SLC17A1: variants seen among roughly 807,000 people sequenced by gnomAD.
The protein encoded by SLC17A1 is solute carrier family 17 member 1.
In SLC17A1, 51 loss-of-function variants were observed where a neutral mutation model predicts 53.5. The ratio of observed to expected loss-of-function variants is 0.95; its 90% CI spans 0.76 to 1.20. The LOEUF (loss-of-function observed/expected upper bound fraction) is 1.20. SLC17A1 is among the 50% of genes most tolerant of loss of function. The pLI, the probability that SLC17A1 is intolerant of heterozygous loss-of-function variation, is 0.00. For synonymous variants in SLC17A1, 179 were observed against 198.8 expected, an observed-to-expected ratio of 0.90 and a Z score of 0.84; for missense variants, 538 against 568.2, an observed-to-expected ratio of 0.95 and a Z score of 0.54.
intron 8 of SLC17A1, 67 bp downstream of exon 8, chr6:25,812,764 T>C: frequency 2.4e-6 from 3 of 1,254,168 alleles, no homozygotes; most frequent in Non-Finnish European, 3.3e-6. Context: ...ACTAGGGTCG[T>C]TAGAGACAGA....
At chr6:25,792,402 C>A (rs191673742) in intron 12 of SLC17A1, among the ~76,000 whole-genome samples, 1 of 152,132 alleles carries the variant, frequency 6.6e-6, no homozygotes, top group Non-Finnish European at 1.5e-5. Flanking sequence ...CCAAGGCAGG[C>A]GAATCACTTG....
intron 12 of SLC17A1, among the ~76,000 whole-genome samples, chr6:25,792,853 C>G (rs565391633): frequency 6.6e-6 from 1 of 152,182 alleles, no homozygotes; most frequent in African/African-American, 2.4e-5. Flanking sequence ...TGCCTACATC[C>G]TAGTCTGCAC....
chr6:25,770,196 G>T, the SLC17A1 span: 6 of 1,614,020 alleles, frequency 3.7e-6, no homozygotes, highest in South Asian at 1.1e-5. Flanking sequence ...TGTGGTTGGT[G>T]CTGGCTTGTT....
At chr6:25,802,981 C>G (rs1285244931) in intron 10 of SLC17A1, among the ~76,000 whole-genome samples, 2 of 106,512 alleles carry the variant, frequency 1.9e-5, no homozygotes, top group African/African-American at 7.3e-5. Flanking sequence ...CAGCCTTGCT[C>G]TGTCGCCCAG....
chr6:25,769,505 C>T, the SLC17A1 span, among the ~76,000 whole-genome samples: 7 of 150,010 alleles, frequency 4.7e-5, no homozygotes, highest in African/African-American at 9.9e-5. Flanking sequence ...TTGCAGTGAG[C>T]GGAGATCGTG....
intron 6 of SLC17A1, among the ~76,000 whole-genome samples, chr6:25,818,639 T>C (rs536652053): frequency 6.6e-6 from 1 of 152,358 alleles, no homozygotes; most frequent in South Asian, 2.1e-4. Flanking sequence ...TATTTCTTTA[T>C]AGTTTTTTTG....
chr6:25,808,098 T>C (rs1483769059), intron 10 of SLC17A1, among the ~76,000 whole-genome samples: 1 of 152,136 alleles, frequency 6.6e-6, no homozygotes, highest in Non-Finnish European at 1.5e-5. Context: ...GTAAAGGTGT[T>C]CCCTTTTCAC....
At chr6:25,770,947 T>G in the SLC17A1 span, 1 of 1,613,920 alleles carries the variant, frequency 6.2e-7, no homozygotes, top group South Asian at 1.1e-5. Flanking sequence ...GGGTCCTTCA[T>G]TGTTCTACTT....
the SLC17A1 span, chr6:25,770,186 T>G: frequency 1.2e-6 from 2 of 1,613,996 alleles, no homozygotes; most frequent in African/African-American, 2.7e-5. Context: ...GAGCCAAGTA[T>G]GTGGTTGGTG....
In SLC17A1 at chr6:25,819,070, A is replaced by G. The variant is rs776287891; in HGVS notation, c.614T>C (p.Phe205Ser). ...GGATTTTACAGAAAGAGACTCACCA[A>G]AAATATAGAAGACCATGGGCCAGCC... ...SLGWPMVFYI[F>S]GACGCAVCLL... The change falls in exon 6 of 13, where the codon TTT becomes TCT. Residue 205 changes from phenylalanine to serine, a missense_variant and splice_region_variant. Coordinates refer to ENST00000244527, the MANE Select transcript of SLC17A1 (RefSeq NM_005074.5). The G allele has an allele frequency of 6.9e-6, 11 of 1,590,080 alleles. No individual in the cohort carries two copies. In the African/African-American group the frequency reaches 1.4e-4, roughly 20 times the overall value.
chr6:25,791,415 T>C (rs958195690), intron 12 of SLC17A1, among the ~76,000 whole-genome samples: 1 of 152,184 alleles, frequency 6.6e-6, no homozygotes, highest in African/African-American at 2.4e-5. Context: ...GGTCTAGTAA[T>C]AGATATTAAA....
chr6:25,727,968 G>A, the SLC17A1 span, among the ~76,000 whole-genome samples: 2 of 152,030 alleles, frequency 1.3e-5, no homozygotes, highest in Non-Finnish European at 2.9e-5. Flanking sequence ...AGTGAGCCGA[G>A]ATCGTCACTG....
chr6:25,811,303 A>T (rs1764146132), intron 10 of SLC17A1, 95 bp downstream of exon 10: 1 of 1,340,616 alleles, frequency 7.5e-7, no homozygotes, highest in African/African-American at 1.5e-5. Context: ...CCATTCCACA[A>T]AGTATCCATA....
intron 3 of SLC17A1, among the ~76,000 whole-genome samples, chr6:25,826,051 A>T (rs1372654238): frequency 1.3e-5 from 2 of 152,100 alleles, no homozygotes; most frequent in Non-Finnish European, 2.9e-5. Flanking sequence ...CTGCATCTAC[A>T]TCTTCTGGTA....
chr6:25,813,427 C>T (rs1174022882), intron 6 of SLC17A1, among the ~76,000 whole-genome samples: 1 of 152,218 alleles, frequency 6.6e-6, no homozygotes, highest in Admixed American at 6.5e-5. Context: ...TTCCTGATCT[C>T]CTATCCTCTG....
At chr6:25,770,373 T>C in the SLC17A1 span, 1 of 1,614,070 alleles carries the variant, frequency 6.2e-7, no homozygotes, top group Non-Finnish European at 8.5e-7. Context: ...GAATGGAATT[T>C]TTCCCCCCAG....
the SLC17A1 span, among the ~76,000 whole-genome samples, chr6:25,744,073 G>C: frequency 1.3e-5 from 2 of 152,178 alleles, no homozygotes; most frequent in Non-Finnish European, 2.9e-5. Context: ...GCCAGCCATG[G>C]CTTCTTTGAG....
chr6:25,726,545 C>A, the SLC17A1 span: 1 of 1,596,330 alleles, frequency 6.3e-7, no homozygotes, highest in Admixed American at 1.7e-5. Flanking sequence ...CATCAAATTG[C>A]AGCAACACGA....
chr6:25,791,183 T>C (rs762532373), intron 12 of SLC17A1, among the ~76,000 whole-genome samples: 6 of 152,190 alleles, frequency 3.9e-5, no homozygotes, highest in Non-Finnish European at 8.8e-5. Context: ...AGTACTGTTA[T>C]AACTACCAAT....
Sources: allele counts gnomAD v4.1 joint callset (sites outside exome capture counted in the v4.1 genomes callset), GRCh38; gene constraint gnomAD v4.1.1; transcripts MANE v1.5; gene names NCBI Gene and HGNC (gene_info 2026-07-23, HGNC 2026-07-21).